TBC1D8: variants seen among roughly 807,000 people sequenced by gnomAD.
The protein encoded by TBC1D8 is BUB2-like protein 1.
A neutral mutation model predicts 118.8 loss-of-function variants in TBC1D8; 65 were observed. The observed-to-expected ratio is 0.55, with a 90% CI of 0.45 to 0.67. TBC1D8 has a LOEUF of 0.67. TBC1D8 is among the 30% of genes least tolerant of loss of function. The pLI is 0.00. For missense variants in TBC1D8, 1,376 were observed against 1,471.2 expected, an observed-to-expected ratio of 0.94 and a Z score of 1.06; for synonymous variants, 566 against 595.8, an observed-to-expected ratio of 0.95 and a Z score of 0.73.
intron 19 of TBC1D8, 92 bp downstream of exon 19, chr2:101,010,837 G>C: frequency 9.7e-7 from 1 of 1,035,814 alleles, no homozygotes; most frequent in African/African-American, 1.6e-5. Flanking sequence ...GGCTGAGATC[G>C]CGCCACTGTA....
chr2:101,147,061 C>T (rs1679346180), intron 1 of TBC1D8, among the ~76,000 whole-genome samples: 1 of 133,850 alleles, frequency 7.5e-6, no homozygotes, highest in Non-Finnish European at 1.6e-5. Context: ...ACCTGTAATC[C>T]CAGTGCTTTG....
chr2:101,018,901 T>G (rs1264178568), intron 17 of TBC1D8: 1 of 1,479,110 alleles, frequency 6.8e-7, no homozygotes, highest in Non-Finnish European at 9.2e-7. Flanking sequence ...TTTATCAATC[T>G]GCAGTGAAAA....
rs182847586 is a variant in TBC1D8, at chr2:101,067,923, C to G, written c.284-8384G>C. Among the ~76,000 whole-genome samples the G allele has an allele frequency of 5.3e-5, 8 of 152,334 alleles. No individual in the cohort carries two copies. In the East Asian group the frequency reaches 1.5e-3, roughly 29 times the overall value. ...TCTAAATCCTTTGTTGTCATTTCAA[C>G]AATGTGTGAAGCGTTCAACAATGTT... On this transcript the variant is annotated intron_variant, in intron 2 of 19. Transcript: ENST00000409318.
chr2:101,031,993 C>A (rs2105388868), intron 11 of TBC1D8, among the ~76,000 whole-genome samples: 1 of 152,162 alleles, frequency 6.6e-6, no homozygotes, highest in East Asian at 1.9e-4. Flanking sequence ...CTTGTAAGTT[C>A]AGCTATCCAT....
intron 5 of TBC1D8, among the ~76,000 whole-genome samples, chr2:101,045,984 T>G (rs565392966): frequency 1.3e-5 from 2 of 152,176 alleles, no homozygotes; most frequent in African/African-American, 4.8e-5. Context: ...CAGAGCAACA[T>G]TCTGCCTCTA....
At chr2:101,115,638 C>G (rs62155206) in intron 1 of TBC1D8, among the ~76,000 whole-genome samples, 23,421 of 152,142 alleles carry the variant, frequency 0.15, 1,945 homozygotes, top group Middle Eastern at 0.27. Context: ...ATAATTCCAG[C>G]TACTTGGGAG....
intron 5 of TBC1D8, among the ~76,000 whole-genome samples, chr2:101,044,938 G>C (rs1448966906): frequency 2.0e-5 from 3 of 152,074 alleles, no homozygotes; most frequent in Non-Finnish European, 4.4e-5. Context: ...TAGGAGAGAT[G>C]GGGTTTCGCC....
chr2:101,084,544 C>G (rs1042934555), intron 2 of TBC1D8, among the ~76,000 whole-genome samples: 4 of 151,878 alleles, frequency 2.6e-5, no homozygotes, highest in African/African-American at 4.8e-5. Context: ...AAGTGAGACT[C>G]TGTCTCAAAA....
intron 1 of TBC1D8, among the ~76,000 whole-genome samples, chr2:101,100,124 C>T (rs1676732058): frequency 6.6e-6 from 1 of 152,142 alleles, no homozygotes; most frequent in South Asian, 2.1e-4. Context: ...ATCATCTCAG[C>T]CCAAAACCTT....
chr2:101,132,300 A>G (rs1477900461), intron 1 of TBC1D8, among the ~76,000 whole-genome samples: 1 of 152,190 alleles, frequency 6.6e-6, no homozygotes, highest in Non-Finnish European at 1.5e-5. Flanking sequence ...ATTCCTATGA[A>G]TGGGGACACT....
intron 10 of TBC1D8, 66 bp downstream of exon 10, chr2:101,033,478 C>A (rs1326959769): frequency 1.9e-6 from 3 of 1,590,260 alleles, no homozygotes; most frequent in Non-Finnish European, 2.6e-6. Context: ...GCAAATGAAA[C>A]CCTGGGAAGG....
At chr2:101,057,401 C>T (rs1217551512) in intron 3 of TBC1D8, among the ~76,000 whole-genome samples, 1 of 152,206 alleles carries the variant, frequency 6.6e-6, no homozygotes, top group East Asian at 1.9e-4. Context: ...AGGCCTTTTC[C>T]CTAGTCTTGT....
intron 1 of TBC1D8, among the ~76,000 whole-genome samples, chr2:101,095,429 T>A (rs1260126656): frequency 1.8e-5 from 2 of 111,516 alleles, no homozygotes; most frequent in Admixed American, 1.2e-4. Context: ...CAGTCCCCGG[T>A]GTGTGATGTT....
intron 17 of TBC1D8, among the ~76,000 whole-genome samples, chr2:101,015,237 A>C (rs559441954): frequency 6.6e-6 from 1 of 152,292 alleles, no homozygotes; most frequent in East Asian, 1.9e-4. Flanking sequence ...AAAATATGGT[A>C]TAAAAGAAAA....
rs1680447161 is a variant in TBC1D8, at chr2:101,028,114, C to T, written c.2385G>A (p.Glu795=). The change falls in exon 14 of 20, where the codon GAG becomes GAA. Residue 795 remains glutamate, a synonymous_variant. Transcript: ENST00000409318. ...KFGDQSVEQI[E]HLRYKHRIRV... ...TGATCCTGTGCTTGTAACGTAGGTG[C>T]TCGATCTGCTCCACAGACTGGTCTC... The T allele has an allele frequency of 6.2e-7, 1 of 1,613,936 alleles. No homozygotes were observed.
intron 11 of TBC1D8, among the ~76,000 whole-genome samples, chr2:101,031,234 A>G (rs1308812689): frequency 2.0e-5 from 3 of 152,200 alleles, no homozygotes; most frequent in African/African-American, 7.2e-5. Flanking sequence ...GTAAAAAGGG[A>G]AGCAAGCCAG....
chr2:101,142,572 T>C (rs1465193568), intron 1 of TBC1D8, among the ~76,000 whole-genome samples: 1 of 151,828 alleles, frequency 6.6e-6, no homozygotes, highest in Admixed American at 6.6e-5. Flanking sequence ...TTACTACACA[T>C]CCATGAAAAT....
chr2:101,070,318 C>T (rs1683241244), intron 2 of TBC1D8, among the ~76,000 whole-genome samples: 1 of 151,466 alleles, frequency 6.6e-6, no homozygotes, highest in South Asian at 2.1e-4. Flanking sequence ...CTTTTTTAAC[C>T]AATTTTCTGT....
chr2:101,087,141 C>T (rs1675690139), intron 2 of TBC1D8, among the ~76,000 whole-genome samples: 1 of 152,184 alleles, frequency 6.6e-6, no homozygotes. Context: ...ATTCAAAGCC[C>T]TCCTGGGCCG....
Sources: gnomAD v4.1 joint callset for allele counts (sites outside exome capture counted in the v4.1 genomes callset) on GRCh38, gnomAD v4.1.1 for gene constraint, MANE v1.5 for transcripts, NCBI Gene and HGNC (gene_info 2026-07-23, HGNC 2026-07-21) for gene names.